The following JAK1 variants were observed in gnomAD, a reference collection of about 807,000 sequenced individuals.
JAK1 encodes the protein Janus kinase 1.
A neutral mutation model predicts 136.6 loss-of-function variants in JAK1; 16 were observed. The ratio of observed to expected loss-of-function variants is 0.12; its 90% CI spans 0.08 to 0.18. JAK1 has a LOEUF of 0.18. Ranked by LOEUF, JAK1 falls within the 10% of genes least tolerant of loss-of-function variation. The pLI is 1.00. For missense variants in JAK1, 859 were observed against 1,450.1 expected (o/e 0.59, Z 6.62); for synonymous variants, 492 against 519.5 (o/e 0.95, Z 0.72).
chr1:65,018,962 G>C (rs1413286216), intron 2 of JAK1, among the ~76,000 whole-genome samples: 1 of 152,188 alleles, frequency 6.6e-6, no homozygotes, highest in Non-Finnish European at 1.5e-5. Context: ...AGTGAGCCAA[G>C]ATCGCGCCAC....
chr1:64,979,435 G>A (rs553581990), intron 2 of JAK1: 1 of 152,120 alleles, frequency 6.6e-6, no homozygotes, highest in African/African-American at 2.4e-5. Context: ...AAATAGAAAA[G>A]AATTAGATGT....
At chr1:64,981,088 T>C (rs1203399096) in intron 2 of JAK1, among the ~76,000 whole-genome samples, 1 of 152,188 alleles carries the variant, frequency 6.6e-6, no homozygotes, top group Admixed American at 6.5e-5. Flanking sequence ...GGAAGAAATA[T>C]GGCACCAGCT....
At chr1:65,006,988 A>G (rs1481829242) in intron 2 of JAK1, among the ~76,000 whole-genome samples, 1 of 152,196 alleles carries the variant, frequency 6.6e-6, no homozygotes, top group Non-Finnish European at 1.5e-5. Flanking sequence ...GATAATCATG[A>G]TTTTGAAACA....
chr1:64,937,240 G>GA (rs1645805971), intron 1 of JAK1, among the ~76,000 whole-genome samples: 1 of 152,100 alleles, frequency 6.6e-6, no homozygotes, highest in South Asian at 2.1e-4. Context: ...TACACCCACA[G>GA]AAAACTCAAA....
At chr1:64,960,958 C>A (rs1441697437) in intron 1 of JAK1, among the ~76,000 whole-genome samples, 1 of 152,186 alleles carries the variant, frequency 6.6e-6, no homozygotes, top group Non-Finnish European at 1.5e-5. Flanking sequence ...GTTTGCCCTC[C>A]ACTAAATGCC....
chr1:64,957,344 C>T lies in JAK1; in HGVS notation c.-78+8989G>A, dbSNP rs1469723018. The stretch of plus-strand genomic sequence containing the variant: ...CCCAAAAGTAATAAAGCACATAAGG[C>T]CCTGCTTGACCAGGTTCCTTCCTGC... On this transcript the variant is annotated intron_variant, in intron 1 of 24. Transcript: ENST00000342505. 3.3e-5 allele frequency among the ~76,000 whole-genome samples: 5 copies of T among 152,320 alleles called. No individual in the cohort carries two copies. The East Asian group carries it at 9.6e-4, about 29-fold the overall frequency.
chr1:64,958,208 C>T (rs971897869), intron 1 of JAK1, among the ~76,000 whole-genome samples: 1 of 152,178 alleles, frequency 6.6e-6, no homozygotes, highest in African/African-American at 2.4e-5. Flanking sequence ...TGGTAGGTGG[C>T]CTGCTTCCTA....
chr1:64,972,717 AG>A (rs1159699510), intron 2 of JAK1: 1 of 152,310 alleles, frequency 6.6e-6, no homozygotes, highest in Non-Finnish European at 1.5e-5. Flanking sequence ...TGAGCCTGGG[AG>A]GTTGAAGCTG....
At chr1:65,012,824 T>G (rs866200) in intron 2 of JAK1, among the ~76,000 whole-genome samples, 6 of 146,484 alleles carry the variant, frequency 4.1e-5, no homozygotes, top group African/African-American at 1.5e-4. Flanking sequence ...CCAGGCACGG[T>G]GGCTCACACC....
intron 1 of JAK1, among the ~76,000 whole-genome samples, chr1:64,916,945 C>T (rs1182357888): frequency 1.3e-5 from 2 of 151,756 alleles, no homozygotes; most frequent in East Asian, 1.9e-4. Flanking sequence ...AGTCACATGT[C>T]TGAATTCCTA....
chr1:65,030,706 A>G (rs1334496492), intron 2 of JAK1, among the ~76,000 whole-genome samples: 1 of 152,044 alleles, frequency 6.6e-6, no homozygotes, highest in Non-Finnish European at 1.5e-5. Flanking sequence ...TAATTTTTGT[A>G]TTTTTAGTAG....
At chr1:64,837,781 T>C (rs1436734215) in intron 22 of JAK1, 151 bp downstream of exon 22, 7 of 565,214 alleles carry the variant, frequency 1.2e-5, no homozygotes, top group Non-Finnish European at 1.7e-5. Flanking sequence ...TTCTTGAAGA[T>C]AAATATCAAT....
chr1:64,917,187 T>G (rs1645412996), intron 1 of JAK1, among the ~76,000 whole-genome samples: 1 of 152,092 alleles, frequency 6.6e-6, no homozygotes, highest in African/African-American at 2.4e-5. Flanking sequence ...AAATTGAGAA[T>G]ATTCTCAGGC....
intron 1 of JAK1, among the ~76,000 whole-genome samples, chr1:64,904,604 CTCTT>C (rs770467315): frequency 1.3e-5 from 2 of 152,156 alleles, no homozygotes; most frequent in Non-Finnish European, 2.9e-5. Context: ...TCTCTATGCT[CTCTT>C]TCATTTCTCA....
intron 2 of JAK1, among the ~76,000 whole-genome samples, chr1:65,004,349 C>T (rs1340617553): frequency 1.3e-5 from 2 of 152,170 alleles, no homozygotes. Flanking sequence ...ATGGAAAATA[C>T]CAAGCTCCCA....
intron 2 of JAK1, among the ~76,000 whole-genome samples, chr1:65,024,703 G>A (rs1052830025): frequency 6.6e-6 from 1 of 151,750 alleles, no homozygotes; most frequent in East Asian, 1.9e-4. Context: ...AAGGCTAGGG[G>A]TGGTGGCTCA....
chr1:65,037,946 T>C (rs1007207726), intron 2 of JAK1, among the ~76,000 whole-genome samples: 7 of 152,160 alleles, frequency 4.6e-5, no homozygotes, highest in Non-Finnish European at 1.0e-4. Context: ...TTGAACAACT[T>C]TGGGGACCTA....
rs545492622 is a variant in JAK1 at position 65,047,948 on chromosome 1, A to G, written c.-180-3366T>C. ...AAATCAGTTGTGGACAGTTCAATAG[A>G]AAGTCCTCAAACAATGTTAAGCTAT... is the stretch of plus-strand genomic sequence containing the variant. On this transcript the variant is annotated intron_variant, in intron 1 of 25. Coordinates refer to the JAK1 transcript ENST00000671954. Among the ~76,000 whole-genome samples the G allele has an allele frequency of 7.2e-5, 11 of 152,282 alleles. No individual in the cohort carries two copies. In the East Asian group the frequency reaches 1.9e-3, roughly 27 times the overall value.
In JAK1 at chr1:64,984,560, G is replaced by A; in HGVS notation, c.-78+59920C>T. 2.7e-6 allele frequency: 1 copy of A among 370,860 alleles called. No individual in the cohort carries two copies. Among genetic ancestry groups the A allele is most frequent in the Non-Finnish European group, 5.3e-6 (1 of 188,268 alleles). The allele number at this position is 370,860 out of a possible 1,614,324, so 23.0% of individuals were successfully genotyped here. A position where few individuals can be genotyped will look rare whatever the true frequency, so the allele number is the denominator to read the frequency against. On this transcript the variant is annotated intron_variant, in intron 2 of 25. Coordinates refer to the JAK1 transcript ENST00000671954. The surrounding 1 kb of genome is among the most constrained non-coding windows in gnomAD (Gnocchi z 4.1). ...CTTATGAGGTCTCTCCCTCATTCAG[G>A]GAGGTGGCTTTCCCTTGCTGGGAGG...
Sources: gnomAD v4.1 joint callset for allele counts (sites outside exome capture counted in the v4.1 genomes callset) on GRCh38, gnomAD v4.1.1 for gene constraint, Gnocchi (gnomAD v3.1) non-coding constraint, MANE v1.5 for transcripts, NCBI Gene and HGNC (gene_info 2026-07-23, HGNC 2026-07-21) for gene names.